CDH4: variants seen among roughly 807,000 people sequenced by gnomAD.
CDH4 encodes the protein cadherin-4.
CDH4 carries 33 observed loss-of-function variants against 86.0 expected under a neutral mutation model. That is an observed-to-expected ratio of 0.38 (90% confidence interval 0.29 to 0.51). CDH4 has a LOEUF of 0.51. Ranked by LOEUF, CDH4 falls within the 20% of genes least tolerant of loss-of-function variation. The pLI is 0.86. For synonymous variants in CDH4, 555 were observed against 549.4 expected (o/e 1.01, Z -0.14); for missense variants, 1,114 against 1,307.4 (o/e 0.85, Z 2.28).
intron 9 of CDH4, among the ~76,000 whole-genome samples, chr20:61,914,930 G>T (rs865867563): frequency 6.6e-6 from 1 of 152,078 alleles, no homozygotes; most frequent in African/African-American, 2.4e-5. Context: ...AACTAGTGCC[G>T]TCCCTATTTC....
chr20:61,652,011 G>T (rs1041212286), intron 2 of CDH4, among the ~76,000 whole-genome samples: 1 of 152,210 alleles, frequency 6.6e-6, no homozygotes, highest in African/African-American at 2.4e-5. Context: ...GGGTGGTGAA[G>T]AACAGTTTCT....
intron 4 of CDH4, among the ~76,000 whole-genome samples, chr20:61,803,270 G>A (rs571332171): frequency 3.5e-4 from 54 of 152,286 alleles, no homozygotes; most frequent in African/African-American, 9.9e-4. Flanking sequence ...CAATCCGCCC[G>A]GGCTGGCAGT....
chr20:61,361,310 G>T lies in CDH4; in HGVS notation c.169+106373G>T, dbSNP rs188944540. Among the ~76,000 whole-genome samples the T allele has an allele frequency of 7.4e-4, 112 of 152,308 alleles. 1 individual carries two copies. The South Asian group carries it at 9.5e-3, about 13-fold the overall frequency. On this transcript the variant is annotated intron_variant, in intron 2 of 15. Transcript: ENST00000614565. ...GGATCTTATGTGGGTGGGAGTGGGG[G>T]AGGATGAGGAGGTATTATTTCTTAG...
chr20:61,605,801 G>A (rs2086640597), intron 2 of CDH4, among the ~76,000 whole-genome samples: 1 of 151,770 alleles, frequency 6.6e-6, no homozygotes, highest in African/African-American at 2.4e-5. Context: ...TTGCACATGA[G>A]TGAAGGTCCT....
intron 2 of CDH4, among the ~76,000 whole-genome samples, chr20:61,351,493 T>G (rs79046038): frequency 0.016 from 2,462 of 152,286 alleles, 51 homozygotes; most frequent in African/African-American, 0.044. Context: ...TTGGCATAAA[T>G]GACATTTACT....
chr20:61,435,134 G>A (rs6089617), intron 2 of CDH4, among the ~76,000 whole-genome samples: 11,220 of 152,172 alleles, frequency 0.074, 684 homozygotes, highest in African/African-American at 0.16. Flanking sequence ...GTAGGCAGAC[G>A]TGGCTTTTCT....
chr20:61,602,510 A>T (rs1033498865), intron 2 of CDH4, among the ~76,000 whole-genome samples: 1 of 152,018 alleles, frequency 6.6e-6, no homozygotes, highest in Non-Finnish European at 1.5e-5. Flanking sequence ...TAATAATAAC[A>T]GTAAAAATAG....
chr20:61,275,668 G>A (rs922990278), intron 2 of CDH4, among the ~76,000 whole-genome samples: 4 of 138,130 alleles, frequency 2.9e-5, no homozygotes, highest in Non-Finnish European at 6.3e-5. Context: ...GCGCAGTTTG[G>A]GGGGAGTACC....
At chr20:61,724,967 C>G (rs1304929379) in intron 2 of CDH4, among the ~76,000 whole-genome samples, 1 of 152,028 alleles carries the variant, frequency 6.6e-6, no homozygotes, top group African/African-American at 2.4e-5. Flanking sequence ...TAAAAATGAG[C>G]AGGGCATGGT....
At position 61,351,724 on chromosome 20, in the gene CDH4, C is replaced by CT. The variant is rs11288531; in HGVS notation, c.169+96799dup. On this transcript the variant is annotated intron_variant, in intron 2 of 15. Transcript: ENST00000614565. ...TTTAGTTATTTTTATTTTTATTTAT[C>CT]TTTTTTTTTTTTGAGACAGTCTCAC... Among the ~76,000 whole-genome samples, 808 of 144,966 alleles carry CT rather than the reference C, an allele frequency of 5.6e-3. 6 individuals are homozygous for CT. Among genetic ancestry groups the CT allele is most frequent in the African/African-American group, 0.018 (719 of 39,012 alleles).
chr20:61,715,858 G>C (rs1367721335), intron 2 of CDH4, among the ~76,000 whole-genome samples: 1 of 152,218 alleles, frequency 6.6e-6, no homozygotes, highest in African/African-American at 2.4e-5. Flanking sequence ...GCCATAGCAG[G>C]AGCCAGCATT....
At chr20:61,270,564 C>T (rs578168014) in intron 2 of CDH4, among the ~76,000 whole-genome samples, 13 of 152,182 alleles carry the variant, frequency 8.5e-5, no homozygotes, top group East Asian at 3.9e-4. Flanking sequence ...AGGACTGACC[C>T]GCACAGACGT....
intron 4 of CDH4, among the ~76,000 whole-genome samples, chr20:61,797,036 G>A (rs897638603): frequency 1.3e-5 from 2 of 151,824 alleles, no homozygotes; most frequent in South Asian, 2.1e-4. Context: ...CTGGGTGGCC[G>A]GGTAAGAGGG....
At chr20:61,794,838 C>T (rs1382319861) in intron 4 of CDH4, among the ~76,000 whole-genome samples, 1 of 152,192 alleles carries the variant, frequency 6.6e-6, no homozygotes, top group Non-Finnish European at 1.5e-5. Flanking sequence ...GCTCCAGGCA[C>T]TGTGGGCATT....
intron 3 of CDH4, among the ~76,000 whole-genome samples, chr20:61,757,234 C>T (rs1395062752): frequency 1.5e-5 from 1 of 68,274 alleles, no homozygotes; most frequent in Non-Finnish European, 3.0e-5. Context: ...AGAACACAGA[C>T]CCCCCCCCCA....
At chr20:61,866,056 C>T (rs886448759) in intron 6 of CDH4, among the ~76,000 whole-genome samples, 29 of 152,282 alleles carry the variant, frequency 1.9e-4, no homozygotes, top group Admixed American at 1.4e-3. Context: ...CTGAGGTCAT[C>T]AAGGGACCGA....
chr20:61,717,016 T>C (rs2087963928), intron 2 of CDH4, among the ~76,000 whole-genome samples: 1 of 152,200 alleles, frequency 6.6e-6, no homozygotes, highest in South Asian at 2.1e-4. Context: ...GAGGAAACCC[T>C]CTGCACCCTC....
intron 2 of CDH4, among the ~76,000 whole-genome samples, chr20:61,584,866 A>T (rs1434822433): frequency 8.1e-4 from 3 of 3,710 alleles, no homozygotes; most frequent in Admixed American, 2.9e-3. Flanking sequence ...CGCACTGCAC[A>T]CTTGTCGTCT....
Position 61,363,398 on chromosome 20 carries a change from A to G in CDH4, c.169+108461A>G, listed in dbSNP as rs145200566. On this transcript the variant is annotated intron_variant, in intron 2 of 15. Transcript: ENST00000614565. ...AGCGCCAGTCTTTTGAGAGGCATAA[A>G]AGAATCTAAATATCTCTCTCTCTCT... 2.4e-3 allele frequency among the ~76,000 whole-genome samples: 371 copies of G among 152,250 alleles called. 1 individual carries two copies. The highest frequency in any genetic ancestry group is 7.6e-3 in the African/African-American group (317 of 41,554).
Sources: allele counts gnomAD v4.1 joint callset (sites outside exome capture counted in the v4.1 genomes callset), GRCh38; gene constraint gnomAD v4.1.1; transcripts MANE v1.5; gene names NCBI Gene and HGNC (gene_info 2026-07-23, HGNC 2026-07-21).